MYH11: variants seen among roughly 807,000 people sequenced by gnomAD.
MYH11 encodes myosin-11.
In MYH11, 80 loss-of-function variants were observed where a neutral mutation model predicts 246.6. The ratio of observed to expected loss-of-function variants is 0.32; its 90% confidence interval spans 0.27 to 0.39. The LOEUF (loss-of-function observed/expected upper bound fraction) is 0.39. MYH11 is among the 10% of genes least tolerant of loss of function. The pLI, the probability that MYH11 is intolerant of heterozygous loss-of-function variation, is 1.00. For missense variants in MYH11, 2,158 were observed against 2,546.8 expected (o/e 0.85, Z 3.29); for synonymous variants, 1,071 against 1,015.5 (o/e 1.05, Z -1.04).
intron 9 of MYH11, among the ~76,000 whole-genome samples, chr16:15,766,346 T>TGGGG (rs34213603): frequency 1.9e-5 from 1 of 52,974 alleles, no homozygotes; most frequent in South Asian, 5.6e-4. Flanking sequence ...TGTTTTTTGG[T>TGGGG]GTGTGTGTGT....
chr16:15,727,285 C>T (rs1403893190), intron 27 of MYH11, among the ~76,000 whole-genome samples: 4 of 152,048 alleles, frequency 2.6e-5, no homozygotes, highest in Non-Finnish European at 5.9e-5. Flanking sequence ...ACTGCAACCT[C>T]CGCCTCCCAG....
chr16:15,724,842 G>A (rs572224631), intron 29 of MYH11, 43 bp from the exon 30 acceptor site: 1 of 1,613,678 alleles, frequency 6.2e-7, no homozygotes, highest in Admixed American at 1.7e-5. Flanking sequence ...CTGCCCCGAG[G>A]AAGGCCACCC....
intron 13 of MYH11, 27 bp downstream of exon 13, chr16:15,757,800 A>G: frequency 6.2e-7 from 1 of 1,614,106 alleles, no homozygotes; most frequent in South Asian, 1.1e-5. Context: ...GGTGTGACGG[A>G]GCCCCGCACG....
intron 27 of MYH11, among the ~76,000 whole-genome samples, chr16:15,730,825 G>C (rs1222943938): frequency 4.6e-5 from 7 of 152,182 alleles, no homozygotes; most frequent in Admixed American, 4.6e-4. Flanking sequence ...CCAAAGGAGA[G>C]AAGAGCACCC....
At chr16:15,810,071 T>C (rs2043103839) in intron 3 of MYH11, among the ~76,000 whole-genome samples, 1 of 151,996 alleles carries the variant, frequency 6.6e-6, no homozygotes, top group Admixed American at 6.6e-5. Flanking sequence ...TTTGCTCTTG[T>C]TGCCCAGGCT....
At chr16:15,742,041 C>T in intron 20 of MYH11, 150 bp from the exon 21 acceptor site, 1 of 1,269,626 alleles carries the variant, frequency 7.9e-7, no homozygotes, top group Admixed American at 2.0e-5. Context: ...CTGATTGTCA[C>T]AGCTGGGGTG....
Position 15,708,795 on chromosome 16 carries a change from C to T in MYH11, c.5787-4672G>A, listed in dbSNP as rs369832024. The T allele has an allele frequency of 2.2e-5, 36 of 1,606,384 alleles. No individual in the cohort carries two copies. The Admixed American group carries it at 4.6e-4, about 21-fold the overall frequency. The stretch of plus-strand genomic sequence containing the variant: ...CAACACACAGCTGCGAAGCTGAAGG[C>T]ATGATACCTGGTGCATCACTGCGAA... On this transcript the variant is annotated intron_variant, in intron 40 of 40. Coordinates refer to ENST00000300036, the MANE Select transcript of MYH11 (RefSeq NM_002474.3).
At position 15,828,863 on chromosome 16, in the gene MYH11, A is replaced by G. The variant is rs542180569; in HGVS notation, c.346-5452T>C. ...AAGAAAGAGAGATGAGAGATAGAGA[A>G]AAGAAAAGAATAAAAGGAATTTTTA... is the stretch of plus-strand genomic sequence containing the variant. On this transcript the variant is annotated intron_variant, in intron 2 of 40. Coordinates refer to ENST00000300036, the MANE Select transcript of MYH11 (RefSeq NM_002474.3). 2.6e-5 allele frequency among the ~76,000 whole-genome samples: 4 copies of G among 151,736 alleles called. No individual in the cohort carries two copies. The East Asian group carries it at 7.8e-4, about 29-fold the overall frequency.
chr16:15,817,620 G>T (rs1231446707), intron 3 of MYH11, among the ~76,000 whole-genome samples: 7 of 152,166 alleles, frequency 4.6e-5, no homozygotes, highest in Admixed American at 1.3e-4. Flanking sequence ...CCCTCAAGGG[G>T]CTTGGCTTCC....
rs146724151 is a variant in MYH11, at chr16:15,789,372, G to A, written c.531-2640C>T. On this transcript the variant is annotated intron_variant, in intron 4 of 40. Transcript: ENST00000300036. ...CAGATCTTTTCATTTACTCTACCCAGCAATCTAATGAGAGAGTTATTAATT... is the reference window on the plus strand; with the variant it reads ...CAGATCTTTTCATTTACTCTACCCAACAATCTAATGAGAGAGTTATTAATT... Among the ~76,000 whole-genome samples, 388 of 152,238 alleles carry A rather than the reference G, an allele frequency of 2.5e-3. 5 individuals are homozygous for A. The highest frequency in any genetic ancestry group is 8.9e-3 in the African/African-American group (369 of 41,540).
At chr16:15,851,016 A>G (rs1240911869) in intron 1 of MYH11, among the ~76,000 whole-genome samples, 1 of 152,218 alleles carries the variant, frequency 6.6e-6, no homozygotes, top group African/African-American at 2.4e-5. Context: ...GATTGCTTGA[A>G]TTAGGAGCTC....
chr16:15,778,921 CA>C (rs2042285605), intron 6 of MYH11, 78 bp from the exon 7 acceptor site: 16 of 1,324,338 alleles, frequency 1.2e-5, no homozygotes, highest in Non-Finnish European at 1.6e-5. Context: ...AAGCAGGAGG[CA>C]GATGGTACAG....
intron 40 of MYH11, chr16:15,708,922 G>A: frequency 7.3e-7 from 1 of 1,367,814 alleles, no homozygotes; most frequent in Non-Finnish European, 1.0e-6. Flanking sequence ...AATTGTTAAA[G>A]ACATTTGCTT....
At chr16:15,717,818 G>T in intron 37 of MYH11, 1 of 264,146 alleles carries the variant, frequency 3.8e-6, no homozygotes, top group Non-Finnish European at 7.4e-6. Flanking sequence ...GCTTCCACAA[G>T]TGTCAGTGCC....
intron 27 of MYH11, among the ~76,000 whole-genome samples, chr16:15,728,590 G>A (rs1370999724): frequency 1.3e-5 from 2 of 151,914 alleles, no homozygotes; most frequent in Non-Finnish European, 2.9e-5. Context: ...CATGTGAGTT[G>A]CCCTACAGGA....
chr16:15,785,498 G>GA (rs963142817), intron 5 of MYH11: 2 of 151,820 alleles, frequency 1.3e-5, no homozygotes, highest in Non-Finnish European at 2.9e-5. Flanking sequence ...TTTGGAGAAG[G>GA]AAAGTTCTCC....
intron 27 of MYH11, among the ~76,000 whole-genome samples, 181 bp from the exon 28 acceptor site, chr16:15,727,235 C>T (rs2040812545): frequency 6.7e-6 from 1 of 148,246 alleles, no homozygotes; most frequent in African/African-American, 2.6e-5. Flanking sequence ...AGTCTTAACT[C>T]TGTTACCCAG....
chr16:15,842,828 A>C (rs74550943), intron 1 of MYH11, among the ~76,000 whole-genome samples: 2 of 151,704 alleles, frequency 1.3e-5, no homozygotes, highest in Non-Finnish European at 2.9e-5. Context: ...AAATCTGAAT[A>C]ATCACTTCAG....
chr16:15,798,823 G>A (rs1466296284), intron 3 of MYH11, 136 bp from the exon 4 acceptor site: 11 of 964,614 alleles, frequency 1.1e-5, no homozygotes, highest in Non-Finnish European at 1.8e-5. Flanking sequence ...CAACAGGTCA[G>A]CTGGGCTCAT....
Sources: allele counts gnomAD v4.1 joint callset (sites outside exome capture counted in the v4.1 genomes callset), GRCh38; gene constraint gnomAD v4.1.1; transcripts MANE v1.5; gene names NCBI Gene and HGNC (gene_info 2026-07-23, HGNC 2026-07-21).